The following TMC1 variants were observed in gnomAD, a reference collection of about 807,000 sequenced individuals.
The protein encoded by TMC1 is transmembrane channel-like protein 1.
TMC1 carries 84 observed loss-of-function variants against 105.8 expected under a neutral mutation model. The observed-to-expected ratio is 0.79, with a 90% CI of 0.67 to 0.95. The LOEUF (loss-of-function observed/expected upper bound fraction) is 0.95, where lower values mean the gene tolerates loss of function less well. TMC1 is among the 40% of genes least tolerant of loss of function. The pLI, the probability that TMC1 is intolerant of heterozygous loss-of-function variation, is 0.00. For missense variants in TMC1, 817 were observed against 914.1 expected (o/e 0.89, Z 1.37); for synonymous variants, 315 against 311.5 (o/e 1.01, Z -0.12).
chr9:72,565,654 T>C (rs1824138264), intron 1 of TMC1, among the ~76,000 whole-genome samples: 1 of 152,152 alleles, frequency 6.6e-6, no homozygotes, highest in Non-Finnish European at 1.5e-5. Context: ...GACGGTAATT[T>C]ATAAAGAAAA....
At chr9:72,719,281 CCTCTGGCAGCCCT>C (rs1471345804) in intron 8 of TMC1, among the ~76,000 whole-genome samples, 2 of 152,186 alleles carry the variant, frequency 1.3e-5, no homozygotes, top group Non-Finnish European at 2.9e-5. Context: ...TTTCCCAGTT[CCTCTGGCAGCCCT>C]CCTCAAGGAC....
chr9:72,624,438 T>C (rs1351301749), intron 3 of TMC1, among the ~76,000 whole-genome samples: 1 of 152,216 alleles, frequency 6.6e-6, no homozygotes, highest in Non-Finnish European at 1.5e-5. Flanking sequence ...CAAATCTTTT[T>C]TTCTTGTCCT....
intron 1 of TMC1, among the ~76,000 whole-genome samples, chr9:72,556,802 T>C (rs914698485): frequency 6.6e-6 from 1 of 151,574 alleles, no homozygotes; most frequent in Non-Finnish European, 1.5e-5. Context: ...GCCTGGGAGA[T>C]AGAGCGAGAC....
intron 8 of TMC1, among the ~76,000 whole-genome samples, chr9:72,729,613 G>A (rs1199943190): frequency 1.3e-5 from 2 of 152,032 alleles, no homozygotes; most frequent in Non-Finnish European, 2.9e-5. Context: ...TAATTGCTAG[G>A]CCAACATGCT....
chr9:72,538,531 A>G (rs1212471737), intron 1 of TMC1, among the ~76,000 whole-genome samples: 1 of 152,018 alleles, frequency 6.6e-6, no homozygotes, highest in Non-Finnish European at 1.5e-5. Flanking sequence ...CCGTCTCCCC[A>G]GCTCAAGCGA....
chr9:72,642,011 G>A (rs1272170306), intron 4 of TMC1, among the ~76,000 whole-genome samples: 1 of 151,640 alleles, frequency 6.6e-6, no homozygotes, highest in Non-Finnish European at 1.5e-5. Context: ...TAGAGACAGG[G>A]TTTCATGATA....
chr9:72,569,115 C>T (rs982346563), intron 1 of TMC1, among the ~76,000 whole-genome samples: 2 of 152,182 alleles, frequency 1.3e-5, no homozygotes, highest in African/African-American at 2.4e-5. Context: ...GCCCAAGTCT[C>T]TGATATAAAA....
Position 72,698,408 on chromosome 9 carries a change from T to C in TMC1, c.237-2110T>C, listed in dbSNP as rs151035316. ...GGTGAACTATAAAACTGTGGATATG[T>C]CCTTTTCCTCAACTAGAACTTTAAA... On this transcript the variant is annotated intron_variant, in intron 7 of 23. Transcript: ENST00000297784. Among the ~76,000 whole-genome samples the C allele has an allele frequency of 1.8e-3, 278 of 152,336 alleles. 1 individual carries two copies. The highest frequency in any genetic ancestry group is 5.5e-3 in the African/African-American group (229 of 41,582).
chr9:72,763,295 C>T (rs1827784775), intron 12 of TMC1, among the ~76,000 whole-genome samples: 1 of 152,004 alleles, frequency 6.6e-6, no homozygotes, highest in South Asian at 2.1e-4. Flanking sequence ...ACATAGTAAA[C>T]ATTTGTTGGG....
chr9:72,821,629 C>T (rs1828874582), intron 20 of TMC1, among the ~76,000 whole-genome samples: 1 of 152,128 alleles, frequency 6.6e-6, no homozygotes, highest in African/African-American at 2.4e-5. Flanking sequence ...ATACTTTATA[C>T]TTTTCCAGGC....
intron 13 of TMC1, among the ~76,000 whole-genome samples, chr9:72,775,042 C>T (rs888428737): frequency 7.2e-5 from 11 of 152,006 alleles, no homozygotes; most frequent in African/African-American, 2.7e-4. Flanking sequence ...TACTTAATAG[C>T]AAAATCAGAA....
At chr9:72,697,690 A>T (rs1343443959) in intron 7 of TMC1, among the ~76,000 whole-genome samples, 2 of 152,112 alleles carry the variant, frequency 1.3e-5, no homozygotes, top group East Asian at 3.8e-4. Context: ...TGGATTAGAG[A>T]TGCTGTTTTA....
At chr9:72,650,872 T>TTATTTATATA in intron 5 of TMC1, among the ~76,000 whole-genome samples, 1 of 119,868 alleles carries the variant, frequency 8.3e-6, no homozygotes, top group East Asian at 2.1e-4. Flanking sequence ...ATGGTGTATT[T>TTATTTATATA]TATATATATA....
At chr9:72,724,163 C>A (rs1827077673) in intron 8 of TMC1, among the ~76,000 whole-genome samples, 1 of 152,110 alleles carries the variant, frequency 6.6e-6, no homozygotes, top group Non-Finnish European at 1.5e-5. Context: ...GTTTTAGTTT[C>A]CTGCTGCTGT....
intron 5 of TMC1, among the ~76,000 whole-genome samples, chr9:72,668,362 G>A (rs767362620): frequency 6.6e-6 from 1 of 152,168 alleles, no homozygotes; most frequent in Non-Finnish European, 1.5e-5. Context: ...GAATAATCCT[G>A]TGCTCCTTCA....
Position 72,742,631 on chromosome 9 carries a change from C to T in TMC1, c.535+106C>T, listed in dbSNP as rs1306912162. 1.3e-5 allele frequency: 7 copies of T among 544,780 alleles called. 1 individual carries two copies. Among genetic ancestry groups the T allele is most frequent in the Non-Finnish European group, 1.3e-5 (5 of 372,952 alleles). 33.7% of individuals were successfully genotyped at this position (544,780 alleles called of 1,614,324 possible). On this transcript the variant is annotated intron_variant, in intron 10 of 23. Coordinates refer to ENST00000297784, the MANE Select transcript of TMC1 (RefSeq NM_138691.3). ...TCTGGACTTTTGGGAAGACTAGAAACAAACAAACAAACAAACAAAAACCAA... is the reference window on the plus strand; with the variant it reads ...TCTGGACTTTTGGGAAGACTAGAAATAAACAAACAAACAAACAAAAACCAA...
Position 72,826,965 on chromosome 9 carries a change from G to A in TMC1, c.2100G>A (p.Gly700=). The change falls in exon 21 of 24, where the codon GGG becomes GGA. Residue 700 remains glycine (G), a synonymous_variant. Transcript: ENST00000297784. Reference sequence around the variant, plus strand: ...TCTTGAGACAGCTTTCAAACCCTGGGCTGGTCATTGCTGTCATTTTGGTGA... The same window carrying A: ...TCTTGAGACAGCTTTCAAACCCTGGACTGGTCATTGCTGTCATTTTGGTGA... ...AKILRQLSNP[G]LVIAVILVMV... 1 of 1,614,042 alleles carries A rather than the reference G, an allele frequency of 6.2e-7. No individual in the cohort carries two copies. Among genetic ancestry groups the A allele is most frequent in the African/African-American group, 1.3e-5 (1 of 75,024 alleles).
chr9:72,811,768 A>C (rs753556565), intron 18 of TMC1, among the ~76,000 whole-genome samples: 9 of 152,188 alleles, frequency 5.9e-5, no homozygotes, highest in Admixed American at 6.5e-5. Context: ...AAGGATGCTC[A>C]GGATTATCCA....
rs776125828 is a variant in TMC1, at chr9:72,648,711, G to A, written c.16+47G>A. On this transcript the variant is annotated intron_variant, in intron 5 of 23. Coordinates refer to ENST00000297784, the MANE Select transcript of TMC1 (RefSeq NM_138691.3). Reference sequence around the variant, plus strand: ...TCTGTAGGACACTATGTCTTTCTGAGAGGTATAAAGGTATTTGAAAACTTT... The same window carrying A: ...TCTGTAGGACACTATGTCTTTCTGAAAGGTATAAAGGTATTTGAAAACTTT... 4 of 1,532,292 alleles carry A rather than the reference G, an allele frequency of 2.6e-6. No homozygotes were observed. The African/African-American group carries it at 5.5e-5, about 21-fold the overall frequency. The allele number at this position is 1,532,292 out of a possible 1,614,324, so 94.9% of individuals were successfully genotyped here. A position where few individuals can be genotyped will look rare whatever the true frequency, so the allele number is the denominator to read the frequency against.
Sources: gnomAD v4.1 joint callset for allele counts (sites outside exome capture counted in the v4.1 genomes callset) on GRCh38, gnomAD v4.1.1 for gene constraint, MANE v1.5 for transcripts, NCBI Gene and HGNC (gene_info 2026-07-23, HGNC 2026-07-21) for gene names.